Variants in ASB9 observed in about 807,000 individuals in gnomAD.
ASB9 encodes ankyrin repeat and SOCS box containing 9, also known as ankyrin repeat and SOCS box protein 9.
In ASB9, 5 loss-of-function variants were observed where a neutral mutation model predicts 16.6. That is an observed-to-expected ratio of 0.30 (90% confidence interval 0.16 to 0.63). ASB9 has a LOEUF of 0.63. Ranked by LOEUF, ASB9 falls within the 30% of genes least tolerant of loss-of-function variation. The pLI is 0.82. For missense variants in ASB9, 216 were observed against 229.4 expected (o/e 0.94, Z 0.38); for synonymous variants, 100 against 86.4 (o/e 1.16, Z -0.87).
chrX:15,261,220 G>A (rs1398380794), intron 1 of ASB9, among the ~76,000 whole-genome samples: 1 of 112,185 alleles, frequency 8.9e-6, no homozygotes, highest in East Asian at 2.8e-4. Flanking sequence ...ATTCCACCCT[G>A]TTGGTGCTGA....
rs1310013294 is a variant in ASB9 at position 15,248,947 on chromosome X, C to A, written c.569-12G>T. 5 of 1,145,244 alleles carry A rather than the reference C, an allele frequency of 4.4e-6. No individual in the cohort carries two copies. Among genetic ancestry groups the A allele is most frequent in the East Asian group, 3.1e-5 (1 of 32,470 alleles). 94.4% of individuals were successfully genotyped at this position (1,145,244 alleles called of 1,213,427 possible). On this transcript the variant is annotated splice_polypyrimidine_tract_variant and intron_variant, in intron 5 of 6. Coordinates refer to ENST00000380488, the MANE Select transcript of ASB9 (RefSeq NM_001031739.3). ...GTTCACGTCCGCTCCTAAACAGTCACGAGAACAAAAAAGAGTCAGCAAGGA... is the reference window on the plus strand; with the variant it reads ...GTTCACGTCCGCTCCTAAACAGTCAAGAGAACAAAAAAGAGTCAGCAAGGA...
At chrX:15,251,517 C>T (rs1391957351) in intron 4 of ASB9, among the ~76,000 whole-genome samples, 1 of 112,086 alleles carries the variant, frequency 8.9e-6, no homozygotes, top group African/African-American at 3.2e-5. Context: ...AAGATGTTCT[C>T]AATAAATAAT....
At chrX:15,249,885 G>A (rs779180958) in intron 5 of ASB9, among the ~76,000 whole-genome samples, 1 of 111,900 alleles carries the variant, frequency 8.9e-6, no homozygotes, top group South Asian at 3.7e-4. Context: ...AGAATAAATA[G>A]GACTCAGATA....
chrX:15,246,352 G>A (rs745583901), intron 6 of ASB9, among the ~76,000 whole-genome samples: 2 of 112,359 alleles, frequency 1.8e-5, no homozygotes, highest in South Asian at 7.4e-4. Context: ...GTCACTTGCT[G>A]GCACCTGCAA....
rs912417067 is a variant in ASB9 at position 15,250,448 on chromosome X, T to C, written c.550A>G (p.Lys184Glu). ...ACENQQRACV[K>E]KLLESGADVN... ...GCTTTACCTGACTCCAGAAGCTTCTTGACACAGGCTCTCTGTTGGTTTTCA... is the reference window on the plus strand; with the variant it reads ...GCTTTACCTGACTCCAGAAGCTTCTCGACACAGGCTCTCTGTTGGTTTTCA... The change falls in exon 5 of 7, where the codon AAG becomes GAG. Residue 184 changes from lysine to glutamate, a missense_variant. By Grantham distance (56) the Lys-to-Glu change is moderately conservative. Coordinates refer to ENST00000380488, the MANE Select transcript of ASB9 (RefSeq NM_001031739.3). 3 of 1,210,558 alleles carry C rather than the reference T, an allele frequency of 2.5e-6. No homozygotes were observed. The highest frequency in any genetic ancestry group is 4.4e-5 in the Admixed American group (2 of 45,752).
intron 6 of ASB9, among the ~76,000 whole-genome samples, chrX:15,246,502 GTC>G (rs1924679173): frequency 9.0e-6 from 1 of 111,537 alleles, no homozygotes; most frequent in African/African-American, 3.3e-5. Context: ...TTGAGACTGA[GTC>G]TCACTCTGTC....
intron 2 of ASB9, among the ~76,000 whole-genome samples, chrX:15,258,326 A>G (rs1035692906): frequency 2.4e-4 from 27 of 112,088 alleles, no homozygotes; most frequent in Non-Finnish European, 4.3e-4. Context: ...ATCATTTTTC[A>G]TGCTATCAAA....
chrX:15,256,964 G>A, intron 2 of ASB9, among the ~76,000 whole-genome samples: 1 of 110,529 alleles, frequency 9.0e-6, no homozygotes, highest in East Asian at 2.8e-4. Context: ...CACAAGAGGG[G>A]TATGATTGTC....
chrX:15,259,962 A>C (rs1304427851), intron 1 of ASB9, among the ~76,000 whole-genome samples: 1 of 112,272 alleles, frequency 8.9e-6, no homozygotes, highest in African/African-American at 3.2e-5. Context: ...AAAAACTGGA[A>C]ACACTTCTGG....
intron 1 of ASB9, among the ~76,000 whole-genome samples, chrX:15,269,263 G>C (rs1265635149): frequency 8.9e-6 from 1 of 112,033 alleles, no homozygotes; most frequent in East Asian, 2.8e-4. Context: ...CTGTACATTA[G>C]CACAGACACC....
chrX:15,263,588 T>TTCTC (rs10578883), intron 1 of ASB9, among the ~76,000 whole-genome samples: 5 of 100,562 alleles, frequency 5.0e-5, no homozygotes, highest in African/African-American at 1.1e-4. Context: ...TCCCTCTCTC[T>TTCTC]TCTCTCTCTC....
chrX:15,246,146 T>C (rs931749472), intron 6 of ASB9, among the ~76,000 whole-genome samples: 4 of 111,976 alleles, frequency 3.6e-5, no homozygotes, highest in Non-Finnish European at 7.5e-5. Context: ...GAGGTACTGA[T>C]AAAGCATTAC....
intron 1 of ASB9, among the ~76,000 whole-genome samples, chrX:15,264,997 A>C (rs965421938): frequency 2.1e-4 from 24 of 111,992 alleles, no homozygotes; most frequent in Admixed American, 5.7e-4. Flanking sequence ...CTCTTCCCTT[A>C]GCACCTGTGT....
chrX:15,269,295 C>T (rs914292365), intron 1 of ASB9, among the ~76,000 whole-genome samples: 2 of 111,772 alleles, frequency 1.8e-5, no homozygotes, highest in African/African-American at 6.5e-5. Flanking sequence ...GAGAACAATA[C>T]CTGTAAGATG....
At position 15,258,853 on chromosome X, in the gene ASB9, T is replaced by C. The variant is rs1925770282; in HGVS notation, c.174+13A>G. ...TGATAGGTTTCTTCTGTATTGTATT[T>C]TCAAAAAGCTACCTGGCTGATGAGG... On this transcript the variant is annotated intron_variant, in intron 2 of 6. Transcript: ENST00000380488. The C allele has an allele frequency of 8.3e-7, 1 of 1,198,651 alleles. No homozygotes were observed. The highest frequency in any genetic ancestry group is 1.1e-6 in the Non-Finnish European group (1 of 883,510).
chrX:15,252,529 G>A (rs1939922294), intron 3 of ASB9, 125 bp from the exon 4 acceptor site: 1 of 692,871 alleles, frequency 1.4e-6, no homozygotes, highest in Non-Finnish European at 2.1e-6. Context: ...ATAAAATGGA[G>A]AAATAACTAC....
At chrX:15,257,840 G>T (rs1925700563) in intron 2 of ASB9, among the ~76,000 whole-genome samples, 1 of 112,244 alleles carries the variant, frequency 8.9e-6, no homozygotes, top group Non-Finnish European at 1.9e-5. Context: ...TTGACCAGTG[G>T]GATGTTAGCA....
chrX:15,249,800 A>C (rs961270086), intron 5 of ASB9, among the ~76,000 whole-genome samples: 1 of 111,405 alleles, frequency 9.0e-6, no homozygotes, highest in Non-Finnish European at 1.9e-5. Context: ...AATTCATAGC[A>C]ATGCCTGCCA....
upstream of ASB9, chrX:15,270,378 G>C: frequency 8.8e-6 from 1 of 114,123 alleles, no homozygotes; most frequent in Non-Finnish European, 1.9e-5. Context: ...AGACAAGCCC[G>C]AGCACCCAGA....
Sources: allele counts gnomAD v4.1 joint callset (sites outside exome capture counted in the v4.1 genomes callset), GRCh38; gene constraint gnomAD v4.1.1; transcripts MANE v1.5; gene names NCBI Gene and HGNC (gene_info 2026-07-23, HGNC 2026-07-21).